The following CASQ2 variants were observed in gnomAD, a reference collection of about 807,000 sequenced individuals.
The protein encoded by CASQ2 is calsequestrin 2.
CASQ2 carries 49 observed loss-of-function variants against 46.5 expected under a neutral mutation model. The ratio of observed to expected loss-of-function variants is 1.05; its 90% CI spans 0.84 to 1.34. The LOEUF (loss-of-function observed/expected upper bound fraction) is 1.34, where lower values mean the gene tolerates loss of function less well. Among genes scored for constraint, CASQ2 ranks in the 40% most tolerant of loss-of-function variants. The pLI, the probability that CASQ2 is intolerant of heterozygous loss-of-function variation, is 0.00. For synonymous variants in CASQ2, 174 were observed against 168.5 expected, an observed-to-expected ratio of 1.03 and a Z score of -0.25; for missense variants, 486 against 481.3, an observed-to-expected ratio of 1.01 and a Z score of -0.09.
At chr1:115,747,734 G>A (rs1177267813) in intron 1 of CASQ2, among the ~76,000 whole-genome samples, 2 of 152,096 alleles carry the variant, frequency 1.3e-5, no homozygotes, top group Admixed American at 6.6e-5. Flanking sequence ...TTCAGCTACT[G>A]TAAATTGTAT....
intron 9 of CASQ2, among the ~76,000 whole-genome samples, chr1:115,704,362 A>G (rs1654298983): frequency 6.6e-6 from 1 of 152,220 alleles, no homozygotes; most frequent in Non-Finnish European, 1.5e-5. Context: ...TTGGAATATC[A>G]CATCTATCAC....
At chr1:115,750,798 C>T (rs984791340) in intron 1 of CASQ2, among the ~76,000 whole-genome samples, 1 of 145,760 alleles carries the variant, frequency 6.9e-6, no homozygotes, top group African/African-American at 2.5e-5. Context: ...TGAGCCACCG[C>T]GCCCAGCCTA....
intron 9 of CASQ2, among the ~76,000 whole-genome samples, chr1:115,704,799 G>A (rs1654308366): frequency 6.6e-6 from 1 of 152,158 alleles, no homozygotes; most frequent in Non-Finnish European, 1.5e-5. Context: ...GCTGAAAAAT[G>A]TTCATCTCTG....
chr1:115,738,435 G>A (rs1294526056), intron 3 of CASQ2, 100 bp from the exon 4 acceptor site: 1 of 811,980 alleles, frequency 1.2e-6, no homozygotes, highest in Non-Finnish European at 2.2e-6. Flanking sequence ...CGGACTTTGT[G>A]GTTGGTGCCT....
intron 1 of CASQ2, among the ~76,000 whole-genome samples, chr1:115,751,157 C>T (rs891506319): frequency 6.6e-6 from 1 of 152,214 alleles, no homozygotes; most frequent in Non-Finnish European, 1.5e-5. Context: ...TCTTGGCATG[C>T]AGTAAGTGCT....
chr1:115,747,664 T>A (rs1255595269), intron 1 of CASQ2, among the ~76,000 whole-genome samples: 1 of 152,214 alleles, frequency 6.6e-6, no homozygotes, highest in African/African-American at 2.4e-5. Context: ...CATTGTATAG[T>A]TTTCAGCCTA....
intron 2 of CASQ2, among the ~76,000 whole-genome samples, chr1:115,741,087 T>A (rs1369451684): frequency 2.0e-5 from 3 of 152,226 alleles, no homozygotes; most frequent in South Asian, 2.1e-4. Flanking sequence ...CACCACTGCT[T>A]TAGTTTTCCA....
chr1:115,727,389 C>T (rs765847794), intron 5 of CASQ2, among the ~76,000 whole-genome samples: 2 of 152,086 alleles, frequency 1.3e-5, no homozygotes, highest in Admixed American at 6.6e-5. Context: ...AGTTGAGATG[C>T]GAAGTGGGAA....
At chr1:115,762,194 C>A (rs950390647) in intron 1 of CASQ2, among the ~76,000 whole-genome samples, 2 of 152,164 alleles carry the variant, frequency 1.3e-5, no homozygotes, top group Non-Finnish European at 2.9e-5. Flanking sequence ...ACTCCAGATA[C>A]CCTGACTGAG....
At chr1:115,732,630 C>T (rs918057199) in intron 5 of CASQ2, among the ~76,000 whole-genome samples, 1 of 152,176 alleles carries the variant, frequency 6.6e-6, no homozygotes, top group Non-Finnish European at 1.5e-5. Context: ...TGGGCCCACA[C>T]GTTTCCCATC....
At chr1:115,706,775 T>C (rs1654374488) in intron 8 of CASQ2, among the ~76,000 whole-genome samples, 1 of 152,318 alleles carries the variant, frequency 6.6e-6, no homozygotes, top group Non-Finnish European at 1.5e-5. Context: ...CTCCTCCCTA[T>C]GGCCTCTGTT....
intron 6 of CASQ2, 68 bp from the exon 7 acceptor site, chr1:115,725,621 G>C: frequency 2.0e-6 from 3 of 1,531,062 alleles, no homozygotes. Context: ...GGCAGACACA[G>C]CAGCCACAGC....
In CASQ2 at chr1:115,731,801, G is replaced by A. The variant is rs934070171; in HGVS notation, c.606+1100C>T. ...ATACTAATTCCTCCCTTATGGGAGT[G>A]TTGAAAGGATGAAGTGAGAAAATCC... On this transcript the variant is annotated intron_variant, in intron 5 of 10. Transcript: ENST00000261448. Among the ~76,000 whole-genome samples, 7 of 152,192 alleles carry A rather than the reference G, an allele frequency of 4.6e-5. No homozygotes were observed. In the East Asian group the frequency reaches 1.3e-3, roughly 29 times the overall value.
chr1:115,751,877 T>C (rs964549152), intron 1 of CASQ2, among the ~76,000 whole-genome samples: 1 of 152,178 alleles, frequency 6.6e-6, no homozygotes, highest in Non-Finnish European at 1.5e-5. Flanking sequence ...TTGTCCCACC[T>C]GTCTTTCCAG....
In CASQ2 at chr1:115,729,938, C is replaced by T. The variant is rs369308780; in HGVS notation, c.607-2816G>A. 1.6e-4 allele frequency among the ~76,000 whole-genome samples: 25 copies of T among 152,222 alleles called. No individual in the cohort carries two copies. In the East Asian group the frequency reaches 3.7e-3, roughly 22 times the overall value. Reference sequence around the variant, plus strand: ...ACAGAGAGAGGAACAGGTCAGTGGGCGGGGACATGGGATTTTAAGAACTGA... The same window carrying T: ...ACAGAGAGAGGAACAGGTCAGTGGGTGGGGACATGGGATTTTAAGAACTGA... On this transcript the variant is annotated intron_variant, in intron 5 of 10. Coordinates refer to ENST00000261448, the MANE Select transcript of CASQ2 (RefSeq NM_001232.4).
At chr1:115,766,091 A>G (rs987383827) in intron 1 of CASQ2, among the ~76,000 whole-genome samples, 1 of 151,952 alleles carries the variant, frequency 6.6e-6, no homozygotes, top group Admixed American at 6.6e-5. Context: ...CTCAGTTTGC[A>G]CTTTTGCATG....
At chr1:115,738,744 T>C (rs1648052208) in intron 3 of CASQ2, among the ~76,000 whole-genome samples, 1 of 152,124 alleles carries the variant, frequency 6.6e-6, no homozygotes, top group East Asian at 1.9e-4. Flanking sequence ...AAATTTACTC[T>C]TTTAGTGATT....
At chr1:115,712,991 A>G (rs989011747) in intron 8 of CASQ2, among the ~76,000 whole-genome samples, 1 of 152,226 alleles carries the variant, frequency 6.6e-6, no homozygotes, top group Non-Finnish European at 1.5e-5. Context: ...AAGAACCTGA[A>G]GCAGTGGAAG....
chr1:115,736,221 T>A (rs1169869550), intron 4 of CASQ2, among the ~76,000 whole-genome samples: 1 of 151,458 alleles, frequency 6.6e-6, no homozygotes, highest in African/African-American at 2.4e-5. Flanking sequence ...TTTGTCACTA[T>A]CCACATATAC....
Sources: allele counts gnomAD v4.1 joint callset (sites outside exome capture counted in the v4.1 genomes callset), GRCh38; gene constraint gnomAD v4.1.1; transcripts MANE v1.5; gene names NCBI Gene and HGNC (gene_info 2026-07-23, HGNC 2026-07-21).